Variants in MB21D2 observed in about 807,000 individuals in gnomAD.
MB21D2 encodes the protein nucleotidyltransferase MB21D2.
Under a neutral mutation model 33.3 loss-of-function variants are expected in MB21D2, and 9 were observed. That is an observed-to-expected ratio of 0.27 (90% confidence interval 0.16 to 0.47). MB21D2 has a LOEUF of 0.47. MB21D2 is among the 20% of genes least tolerant of loss of function. The probability of loss-of-function intolerance (pLI) is 0.99; values close to 1 mark genes in which losing one functional copy is unlikely to be tolerated. For missense variants in MB21D2, 540 were observed against 624.6 expected (o/e 0.86, Z 1.44); for synonymous variants, 241 against 236.3 (o/e 1.02, Z -0.18).
chr3:192,822,557 C>T (rs879859178), intron 1 of MB21D2, among the ~76,000 whole-genome samples: 11 of 152,182 alleles, frequency 7.2e-5, no homozygotes, highest in South Asian at 6.2e-4. Context: ...CTGGGGACCA[C>T]GAGGAAGCAT....
intron 1 of MB21D2, among the ~76,000 whole-genome samples, chr3:192,818,676 C>T (rs967332385): frequency 2.6e-5 from 4 of 152,086 alleles, no homozygotes; most frequent in Non-Finnish European, 4.4e-5. Context: ...TTTATCTTTT[C>T]GTGTTTCTTT....
intron 1 of MB21D2, among the ~76,000 whole-genome samples, chr3:192,869,661 C>A (rs6803473): frequency 1.5e-4 from 23 of 152,112 alleles, no homozygotes; most frequent in African/African-American, 4.3e-4. Context: ...GAAAACCCCC[C>A]TTTCTCCTCC....
chr3:192,839,845 T>C (rs763573852), intron 1 of MB21D2, among the ~76,000 whole-genome samples: 2 of 152,170 alleles, frequency 1.3e-5, no homozygotes, highest in Non-Finnish European at 2.9e-5. Flanking sequence ...AAGTTCATTC[T>C]CAATTCTTTT....
chr3:192,874,098 G>C (rs1258516305), intron 1 of MB21D2, among the ~76,000 whole-genome samples: 5 of 152,204 alleles, frequency 3.3e-5, no homozygotes, highest in African/African-American at 1.2e-4. Flanking sequence ...AAAGACCAAA[G>C]ACGGGTACAA....
At chr3:192,899,491 T>A (rs1487129675) in intron 1 of MB21D2, among the ~76,000 whole-genome samples, 1 of 152,050 alleles carries the variant, frequency 6.6e-6, no homozygotes, top group African/African-American at 2.4e-5. Flanking sequence ...ATCACGCCAC[T>A]GCACTCCAGC....
At chr3:192,825,043 G>A (rs1474513771) in intron 1 of MB21D2, among the ~76,000 whole-genome samples, 3 of 152,062 alleles carry the variant, frequency 2.0e-5, no homozygotes, top group South Asian at 2.1e-4. Context: ...ATGTTCTGCC[G>A]TGTACTCTAC....
intron 1 of MB21D2, among the ~76,000 whole-genome samples, chr3:192,817,215 G>T (rs1711947240): frequency 6.6e-6 from 1 of 152,280 alleles, no homozygotes; most frequent in Admixed American, 6.5e-5. Flanking sequence ...ACCCTGGAGG[G>T]GAGGATCTGT....
At chr3:192,865,566 C>T (rs1034091797) in intron 1 of MB21D2, among the ~76,000 whole-genome samples, 3 of 152,136 alleles carry the variant, frequency 2.0e-5, no homozygotes, top group African/African-American at 7.2e-5. Flanking sequence ...TTAACCACAC[C>T]TCTGCATTCT....
rs575599014 is a variant in MB21D2, at chr3:192,814,433, C to T, written c.212-14783G>A. On this transcript the variant is annotated intron_variant, in intron 1 of 1. Transcript: ENST00000392452. ...TCTATTGTTTGAGCTTGAAAATGTT[C>T]GGATCAAAAGAAATCAGACTTGAAA... 5.9e-5 allele frequency among the ~76,000 whole-genome samples: 9 copies of T among 152,194 alleles called. No homozygotes were observed. The South Asian group carries it at 8.3e-4, about 14-fold the overall frequency.
intron 1 of MB21D2, among the ~76,000 whole-genome samples, chr3:192,809,909 T>C (rs1246777595): frequency 1.3e-5 from 2 of 152,228 alleles, no homozygotes; most frequent in Non-Finnish European, 2.9e-5. Context: ...TCTTTCAGGC[T>C]CCCAGAACAA....
At chr3:192,869,972 T>C (rs555173615) in intron 1 of MB21D2, among the ~76,000 whole-genome samples, 1 of 152,302 alleles carries the variant, frequency 6.6e-6, no homozygotes, top group Admixed American at 6.5e-5. Context: ...TGCATATCAA[T>C]AGTACTTGGA....
At chr3:192,901,413 C>CAAAAAAA (rs71635401) in intron 1 of MB21D2, among the ~76,000 whole-genome samples, 16 of 100,884 alleles carry the variant, frequency 1.6e-4, no homozygotes, top group Non-Finnish European at 1.9e-4. Context: ...ACTAAAAATT[C>CAAAAAAA]AAAAAAAAAA....
chr3:192,820,050 T>C (rs184278868), intron 1 of MB21D2, among the ~76,000 whole-genome samples: 1 of 152,300 alleles, frequency 6.6e-6, no homozygotes, highest in East Asian at 1.9e-4. Context: ...AATACATGGT[T>C]TTTAATGTCC....
At chr3:192,836,880 T>A (rs578146514) in intron 1 of MB21D2, among the ~76,000 whole-genome samples, 2 of 152,282 alleles carry the variant, frequency 1.3e-5, no homozygotes, top group South Asian at 4.1e-4. Flanking sequence ...AGTTACTTAG[T>A]GTCAGAAGAG....
At chr3:192,894,193 A>C (rs1713916069) in intron 1 of MB21D2, among the ~76,000 whole-genome samples, 2 of 151,848 alleles carry the variant, frequency 1.3e-5, no homozygotes, top group South Asian at 2.1e-4. Context: ...CAGTGGCGCA[A>C]TCTGGACTCA....
At chr3:192,812,794 A>G (rs958114563) in intron 1 of MB21D2, among the ~76,000 whole-genome samples, 8 of 152,206 alleles carry the variant, frequency 5.3e-5, no homozygotes, top group Non-Finnish European at 1.2e-4. Context: ...AAGTTACTAT[A>G]TAACTATAGT....
At chr3:192,840,087 G>A (rs1159024337) in intron 1 of MB21D2, among the ~76,000 whole-genome samples, 1 of 152,078 alleles carries the variant, frequency 6.6e-6, no homozygotes, top group Non-Finnish European at 1.5e-5. Context: ...CAATAAAAAT[G>A]TTTCAAAAAG....
chr3:192,826,156 T>C (rs573325405), intron 1 of MB21D2, among the ~76,000 whole-genome samples: 158 of 152,356 alleles, frequency 1.0e-3, no homozygotes, highest in African/African-American at 3.7e-3. Flanking sequence ...CTTAAAACAC[T>C]ATGTGCTTTT....
intron 1 of MB21D2, among the ~76,000 whole-genome samples, chr3:192,840,415 C>CTTTTTTTTTTT (rs71177380): frequency 6.8e-4 from 60 of 88,300 alleles, no homozygotes; most frequent in Non-Finnish European, 8.3e-4. Context: ...TCTCTTTTTT[C>CTTTTTTTTTTT]TTTTTTTTTT....
Sources: gnomAD v4.1 joint callset for allele counts (sites outside exome capture counted in the v4.1 genomes callset) on GRCh38, gnomAD v4.1.1 for gene constraint, MANE v1.5 for transcripts, NCBI Gene and HGNC (gene_info 2026-07-23, HGNC 2026-07-21) for gene names.